KLF12: variants seen among roughly 807,000 people sequenced by gnomAD.
KLF12 encodes the protein KLF transcription factor 12.
A neutral mutation model predicts 37.8 loss-of-function variants in KLF12; 9 were observed. The ratio of observed to expected loss-of-function variants is 0.24; its 90% CI spans 0.14 to 0.42. KLF12 has a LOEUF of 0.42. KLF12 is among the 10% of genes least tolerant of loss of function. The pLI, the probability that KLF12 is intolerant of heterozygous loss-of-function variation, is 1.00. For missense variants in KLF12, 411 were observed against 516.0 expected (o/e 0.80, Z 1.97); for synonymous variants, 208 against 202.1 (o/e 1.03, Z -0.25).
At chr13:73,990,582 AAG>A (rs1308461664) in intron 2 of KLF12, among the ~76,000 whole-genome samples, 1 of 152,200 alleles carries the variant, frequency 6.6e-6, no homozygotes, top group East Asian at 1.9e-4. Flanking sequence ...GTAAAACAAA[AAG>A]AGGAAAAAGG....
chr13:73,755,754 C>G (rs377145074), intron 6 of KLF12, among the ~76,000 whole-genome samples: 1 of 151,904 alleles, frequency 6.6e-6, no homozygotes, highest in Non-Finnish European at 1.5e-5. Context: ...CACCACCCCC[C>G]CAACCCTTTC....
At chr13:74,249,336 T>TGA in the KLF12 span, among the ~76,000 whole-genome samples, 1 of 74,086 alleles carries the variant, frequency 1.3e-5, no homozygotes, top group Non-Finnish European at 2.9e-5. Context: ...AGCAGGAGCA[T>TGA]CACACACACA....
intron 7 of KLF12, among the ~76,000 whole-genome samples, chr13:73,704,016 A>C (rs1043836920): frequency 2.6e-5 from 4 of 152,188 alleles, no homozygotes; most frequent in Non-Finnish European, 5.9e-5. Context: ...ACAATATTTT[A>C]TTTGGCTGTT....
At chr13:74,162,275 G>C in the KLF12 span, among the ~76,000 whole-genome samples, 1 of 152,186 alleles carries the variant, frequency 6.6e-6, no homozygotes, top group Admixed American at 6.5e-5. Context: ...TTTGCCTACT[G>C]TCCTCCTCCT....
intron 3 of KLF12, among the ~76,000 whole-genome samples, chr13:73,856,294 T>G (rs1885605425): frequency 1.3e-5 from 2 of 152,222 alleles, no homozygotes; most frequent in African/African-American, 4.8e-5. Flanking sequence ...CTCAGCTCAA[T>G]GTTCCTCTTG....
the KLF12 span, among the ~76,000 whole-genome samples, chr13:74,234,113 T>G: frequency 3.3e-5 from 5 of 152,182 alleles, no homozygotes; most frequent in African/African-American, 7.2e-5. Flanking sequence ...ATGGGAACTC[T>G]CAGTACTTCC....
chr13:74,153,350 G>A, the KLF12 span, among the ~76,000 whole-genome samples: 1 of 152,148 alleles, frequency 6.6e-6, no homozygotes, highest in Non-Finnish European at 1.5e-5. Context: ...AGATGTCAAG[G>A]AGGGACTGGC....
At chr13:74,179,042 T>C in the KLF12 span, among the ~76,000 whole-genome samples, 1 of 152,260 alleles carries the variant, frequency 6.6e-6, no homozygotes, top group African/African-American at 2.4e-5. Flanking sequence ...GTGTCTACTA[T>C]GTCCATGTGC....
chr13:74,262,084 G>C, the KLF12 span, among the ~76,000 whole-genome samples: 1 of 152,194 alleles, frequency 6.6e-6, no homozygotes, highest in Admixed American at 6.5e-5. Context: ...AAAGACTGTG[G>C]CTTCCAGAAG....
intron 3 of KLF12, among the ~76,000 whole-genome samples, chr13:73,884,486 G>A (rs1009976398): frequency 6.6e-6 from 1 of 152,184 alleles, no homozygotes; most frequent in Non-Finnish European, 1.5e-5. Flanking sequence ...TGGACCCAAT[G>A]CCATCGAGGG....
At chr13:73,778,151 A>AG (rs1421631322) in intron 5 of KLF12, among the ~76,000 whole-genome samples, 2 of 151,760 alleles carry the variant, frequency 1.3e-5, no homozygotes, top group Non-Finnish European at 2.9e-5. Context: ...AAATAAAAAA[A>AG]GAAAACAAAA....
the KLF12 span, among the ~76,000 whole-genome samples, chr13:74,282,790 T>A: frequency 1.3e-5 from 2 of 152,018 alleles, no homozygotes; most frequent in Non-Finnish European, 2.9e-5. Flanking sequence ...TCTATTACGG[T>A]TTCAGTTCTA....
At chr13:73,993,967 C>A (rs1892038074) in intron 2 of KLF12, among the ~76,000 whole-genome samples, 1 of 152,168 alleles carries the variant, frequency 6.6e-6, no homozygotes, top group African/African-American at 2.4e-5. Flanking sequence ...CCCACACAGG[C>A]AACACTGAGG....
chr13:73,984,508 T>TG (rs1404972395), intron 2 of KLF12, among the ~76,000 whole-genome samples: 1 of 152,142 alleles, frequency 6.6e-6, no homozygotes, highest in Non-Finnish European at 1.5e-5. Flanking sequence ...AGGGTCTATG[T>TG]GGACTGGCAT....
chr13:73,703,686 C>T (rs1257725372), intron 7 of KLF12, among the ~76,000 whole-genome samples: 8 of 152,074 alleles, frequency 5.3e-5, no homozygotes, highest in African/African-American at 1.9e-4. Context: ...TGGATATTAC[C>T]TCATTTAATT....
chr13:73,747,928 G>GTT (rs1878482682), intron 6 of KLF12, among the ~76,000 whole-genome samples: 1 of 152,120 alleles, frequency 6.6e-6, no homozygotes, highest in African/African-American at 2.4e-5. Flanking sequence ...AAATAAAATG[G>GTT]TATCTATGAA....
chr13:74,026,311 CA>C (rs565788833), intron 1 of KLF12, among the ~76,000 whole-genome samples: 2 of 152,064 alleles, frequency 1.3e-5, no homozygotes, highest in Non-Finnish European at 2.9e-5. Flanking sequence ...ATCTGCAAAT[CA>C]ACCTCTTTTT....
At chr13:74,280,998 T>C in the KLF12 span, among the ~76,000 whole-genome samples, 1 of 152,088 alleles carries the variant, frequency 6.6e-6, no homozygotes, top group South Asian at 2.1e-4. Flanking sequence ...GAAAACTATT[T>C]GTAATCCATT....
At chr13:73,805,606 AAGGAAGGGAGGGAGGG>A (rs1284306016) in intron 5 of KLF12, among the ~76,000 whole-genome samples, 19 of 50,146 alleles carry the variant, frequency 3.8e-4, no homozygotes, top group South Asian at 1.3e-3. Context: ...GCACTGTCAG[AAGGAAGGGAGGGAGGG>A]AGGGAGGGAG....
Sources: gnomAD v4.1 joint callset for allele counts (sites outside exome capture counted in the v4.1 genomes callset) on GRCh38, gnomAD v4.1.1 for gene constraint, MANE v1.5 for transcripts, NCBI Gene and HGNC (gene_info 2026-07-23, HGNC 2026-07-21) for gene names.